Variants in DLG2 observed in about 807,000 individuals in gnomAD.
DLG2 encodes disks large homolog 2.
DLG2 carries 45 observed loss-of-function variants against 132.5 expected under a neutral mutation model. That is an observed-to-expected ratio of 0.34 (90% CI 0.27 to 0.44). DLG2 has a LOEUF of 0.44. Ranked by LOEUF, DLG2 falls within the 20% of genes least tolerant of loss-of-function variation. DLG2 has a pLI of 1.00. For synonymous variants in DLG2, 424 were observed against 419.6 expected (o/e 1.01, Z -0.13); for missense variants, 1,045 against 1,196.9 (o/e 0.87, Z 1.87).
intron 11 of DLG2, among the ~76,000 whole-genome samples, chr11:84,045,900 G>C (rs1162730105): frequency 6.6e-6 from 1 of 151,500 alleles, no homozygotes; most frequent in Admixed American, 6.6e-5. Context: ...GTGAAGAGTT[G>C]TCCGCTGTAG....
intron 26 of DLG2, among the ~76,000 whole-genome samples, chr11:83,464,272 T>C (rs951847822): frequency 1.3e-5 from 2 of 152,218 alleles, no homozygotes; most frequent in African/African-American, 4.8e-5. Context: ...GAGTCAGCTA[T>C]GTATGTGCTA....
chr11:83,805,599 C>T (rs2045694584), intron 17 of DLG2, among the ~76,000 whole-genome samples: 1 of 152,074 alleles, frequency 6.6e-6, no homozygotes, highest in African/African-American at 2.4e-5. Flanking sequence ...CTTTTGTCTA[C>T]TCTCAATACC....
intron 4 of DLG2, among the ~76,000 whole-genome samples, chr11:85,207,791 G>T (rs1468906267): frequency 6.6e-6 from 1 of 151,996 alleles, no homozygotes; most frequent in Non-Finnish European, 1.5e-5. Flanking sequence ...ATCACATTGT[G>T]TGCAGACTGT....
Position 84,934,546 on chromosome 11 carries a change from T to TTTTTTTTTTG in DLG2, c.357+177114_357+177115insCAAAAAAAAA, listed in dbSNP as rs1183459468. 1.9e-4 allele frequency among the ~76,000 whole-genome samples: 25 copies of TTTTTTTTTTG among 128,720 alleles called. 1 individual carries two copies. Among genetic ancestry groups the TTTTTTTTTTG allele is most frequent in the Non-Finnish European group, 2.9e-4 (18 of 61,566 alleles). The allele number at this position is 128,720 out of a possible 152,430, so 84.4% of individuals were successfully genotyped here. A position where few individuals can be genotyped will look rare whatever the true frequency, so the allele number is the denominator to read the frequency against. On this transcript the variant is annotated intron_variant, in intron 6 of 27. Transcript: ENST00000376104. Reference sequence around the variant, plus strand: ...TTTTGTTTTTTTTTTTTTTTTTTTTTGGTGGGTAGGCTATTTATTACTGTC... The same window carrying TTTTTTTTTTG: ...TTTTGTTTTTTTTTTTTTTTTTTTTTTTTTTTTTTGGGTGGGTAGGCTATTTATTACTGTC...
At chr11:84,747,630 G>T (rs2065549319) in intron 6 of DLG2, among the ~76,000 whole-genome samples, 1 of 152,100 alleles carries the variant, frequency 6.6e-6, no homozygotes, top group Admixed American at 6.6e-5. Flanking sequence ...TTGCACTAAG[G>T]TACTGAATAA....
intron 6 of DLG2, among the ~76,000 whole-genome samples, chr11:84,949,003 T>C (rs761159194): frequency 2.0e-5 from 3 of 152,210 alleles, no homozygotes; most frequent in Non-Finnish European, 4.4e-5. Context: ...AGGGTCCTAC[T>C]GAAAAACATT....
Position 84,702,726 on chromosome 11 carries a change from G to A in DLG2, c.358-167995C>T, listed in dbSNP as rs114191775. Reference sequence around the variant, plus strand: ...AGTTTAAATCAGGCCTTATATACACGATCTCCTATCATGTCTTTCCCTTCT... The same window carrying A: ...AGTTTAAATCAGGCCTTATATACACAATCTCCTATCATGTCTTTCCCTTCT... On this transcript the variant is annotated intron_variant, in intron 6 of 27. Coordinates refer to ENST00000376104, the MANE Select transcript of DLG2 (RefSeq NM_001142699.3). Among the ~76,000 whole-genome samples, 1,315 of 151,394 alleles carry A rather than the reference G, an allele frequency of 8.7e-3. 22 individuals carry two copies. The highest frequency in any genetic ancestry group is 0.029 in the African/African-American group (1,193 of 41,350).
intron 18 of DLG2, among the ~76,000 whole-genome samples, chr11:83,772,571 AG>A (rs1454182877): frequency 6.6e-6 from 1 of 151,734 alleles, no homozygotes; most frequent in African/African-American, 2.4e-5. Context: ...AGAAAGAAAC[AG>A]AGAAAGAAAG....
intron 6 of DLG2, among the ~76,000 whole-genome samples, chr11:84,875,605 T>A (rs1401732146): frequency 6.6e-6 from 1 of 152,188 alleles, no homozygotes; most frequent in Non-Finnish European, 1.5e-5. Flanking sequence ...CCTAATTCAC[T>A]TTAGGTTTTT....
chr11:84,690,532 C>T (rs1042536916), intron 6 of DLG2, among the ~76,000 whole-genome samples: 5 of 151,602 alleles, frequency 3.3e-5, no homozygotes, highest in Admixed American at 6.6e-5. Context: ...CAATGTAGAG[C>T]GTGGGAAAGA....
At chr11:84,780,370 A>G (rs964899100) in intron 6 of DLG2, among the ~76,000 whole-genome samples, 1 of 152,138 alleles carries the variant, frequency 6.6e-6, no homozygotes, top group Non-Finnish European at 1.5e-5. Context: ...ACATAGAAGC[A>G]ACATACCTCA....
intron 9 of DLG2, among the ~76,000 whole-genome samples, chr11:84,119,695 C>T (rs1204907896): frequency 6.6e-6 from 1 of 152,074 alleles, no homozygotes; most frequent in Non-Finnish European, 1.5e-5. Flanking sequence ...TCAAGCTTCA[C>T]AGAACAGAAC....
intron 19 of DLG2, among the ~76,000 whole-genome samples, chr11:83,619,448 T>C (rs541896700): frequency 1.3e-5 from 2 of 152,214 alleles, no homozygotes; most frequent in Non-Finnish European, 2.9e-5. Flanking sequence ...TAGGACAGAA[T>C]TGAGTTTTTA....
rs561682179 is a variant in DLG2 at position 83,740,828 on chromosome 11, C to T, written c.1825+45862G>A. Among the ~76,000 whole-genome samples the T allele has an allele frequency of 3.9e-5, 6 of 152,160 alleles. No individual in the cohort carries two copies. The East Asian group carries it at 1.2e-3, about 29-fold the overall frequency. On this transcript the variant is annotated intron_variant, in intron 18 of 27. Transcript: ENST00000376104. ...TCATTGCTGTATGCTTTTGCCATGC[C>T]CCCAGTGACTTGTGTTTTACCTCTC...
At chr11:84,868,042 C>A (rs149208308) in intron 6 of DLG2, among the ~76,000 whole-genome samples, 1 of 150,970 alleles carries the variant, frequency 6.6e-6, no homozygotes, top group African/African-American at 2.4e-5. Flanking sequence ...CCACTGCACT[C>A]CAGCCTGGGC....
chr11:84,490,266 G>A (rs1160802274), intron 7 of DLG2, among the ~76,000 whole-genome samples: 1 of 152,138 alleles, frequency 6.6e-6, no homozygotes, highest in Non-Finnish European at 1.5e-5. Context: ...AAGACATCTG[G>A]TTAATAGTTT....
chr11:83,685,733 CTT>C (rs1293532938), intron 18 of DLG2, among the ~76,000 whole-genome samples: 3 of 152,070 alleles, frequency 2.0e-5, no homozygotes, highest in African/African-American at 7.2e-5. Context: ...GCTCCAGACT[CTT>C]ATATCCAGCT....
chr11:83,826,636 T>C (rs1185817177), intron 17 of DLG2, among the ~76,000 whole-genome samples: 1 of 152,178 alleles, frequency 6.6e-6, no homozygotes, highest in Admixed American at 6.5e-5. Context: ...AATAAGCTTT[T>C]ACCTCCTCAA....
intron 21 of DLG2, among the ~76,000 whole-genome samples, chr11:83,509,501 T>A (rs1448622403): frequency 1.3e-5 from 2 of 152,142 alleles, no homozygotes; most frequent in African/African-American, 4.8e-5. Context: ...GAAGACAAAA[T>A]TCACAGTGCT....
Sources: gnomAD v4.1 joint callset for allele counts (sites outside exome capture counted in the v4.1 genomes callset) on GRCh38, gnomAD v4.1.1 for gene constraint, MANE v1.5 for transcripts, NCBI Gene and HGNC (gene_info 2026-07-23, HGNC 2026-07-21) for gene names.